Variants in KICS2 observed in about 807,000 individuals in gnomAD.
The protein encoded by KICS2 is KICSTOR complex protein C12orf66.
KICS2 carries 13 observed loss-of-function variants against 31.4 expected under a neutral mutation model. That is an observed-to-expected ratio of 0.41 (90% CI 0.27 to 0.66). KICS2 has a LOEUF of 0.66. Among genes scored for constraint, KICS2 ranks in the 30% least tolerant of loss-of-function variants. The pLI, the probability that KICS2 is intolerant of heterozygous loss-of-function variation, is 0.28. For synonymous variants in KICS2, 209 were observed against 214.8 expected (o/e 0.97, Z 0.24); for missense variants, 455 against 545.4 (o/e 0.83, Z 1.65).
chr12:64,216,000 A>G (rs200741100), intron 1 of KICS2, 37 bp from the exon 2 acceptor site: 6 of 1,567,118 alleles, frequency 3.8e-6, no homozygotes, highest in Non-Finnish European at 5.2e-6. Flanking sequence ...GACAAGTAAG[A>G]AGGAGAAACC....
rs1238415903 is a variant in KICS2 at position 64,191,789 on chromosome 12, A to G, written c.*2053T>C. The G allele has an allele frequency of 6.6e-6, 1 of 152,190 alleles. No homozygotes were observed. Among genetic ancestry groups the G allele is most frequent in the Non-Finnish European group, 1.5e-5 (1 of 68,034 alleles). The allele number at this position is 152,190 out of a possible 1,614,324, so 9.4% of individuals were successfully genotyped here. ...TATGACCATTTTTAAAGAAAAAGAA[A>G]GGAGGCCAGGTGCAGTGGCACATGC... On this transcript the variant is annotated 3_prime_UTR_variant, in exon 3 of 3. Coordinates refer to ENST00000398055, the MANE Select transcript of KICS2 (RefSeq NM_152440.5).
At chr12:64,210,468 AG>A (rs1323496964) in intron 2 of KICS2, among the ~76,000 whole-genome samples, 2 of 152,146 alleles carry the variant, frequency 1.3e-5, no homozygotes, top group Non-Finnish European at 2.9e-5. Context: ...TAAAGATGAT[AG>A]GGCCTGGGTG....
Position 64,194,224 on chromosome 12 carries a change from T to C in KICS2, c.956A>G (p.Asn319Ser). The stretch of plus-strand genomic sequence containing the variant: ...ACCCTGAAAACTCTCAGAACCTCTG[T>C]TGTCAAAAATTAAGGACACATTGGC... ...DAANVSLIFD[N>S]RGSESFQGHG... Residue 319 changes from asparagine to serine, a missense_variant, in exon 3 of 3, where the codon AAC becomes AGC. Coordinates refer to ENST00000398055, the MANE Select transcript of KICS2 (RefSeq NM_152440.5). The C allele has an allele frequency of 6.2e-7, 1 of 1,614,160 alleles. No individual in the cohort carries two copies. Among genetic ancestry groups the C allele is most frequent in the Non-Finnish European group, 8.5e-7 (1 of 1,180,024 alleles).
At chr12:64,202,627 T>C (rs2037500525) in intron 2 of KICS2, among the ~76,000 whole-genome samples, 1 of 148,450 alleles carries the variant, frequency 6.7e-6, no homozygotes, top group Admixed American at 6.8e-5. Context: ...TATTTTCTAA[T>C]ATATATTAAA....
At chr12:64,205,388 C>T (rs2037526876) in intron 2 of KICS2, among the ~76,000 whole-genome samples, 1 of 152,174 alleles carries the variant, frequency 6.6e-6, no homozygotes, top group Admixed American at 6.6e-5. Flanking sequence ...TCTGCCAAGA[C>T]TTAGAGCTTA....
chr12:64,195,166 T>C lies in KICS2; in HGVS notation c.522-508A>G, dbSNP rs113342828. Among the ~76,000 whole-genome samples the C allele has an allele frequency of 1.7e-3, 257 of 152,316 alleles. 2 individuals carry two copies. The highest frequency in any genetic ancestry group is 6.8e-3 in the Middle Eastern group (2 of 294). ...CAAACTCTAAGTGATCTTCCCACCT[T>C]GGCCTTCCAAAGCGCTGGGATTACA... On this transcript the variant is annotated intron_variant, in intron 2 of 2. Coordinates refer to ENST00000398055, the MANE Select transcript of KICS2 (RefSeq NM_152440.5).
In KICS2 at chr12:64,194,341, T is replaced by G. The variant is rs1592378522; in HGVS notation, c.839A>C (p.Gln280Pro). Residue 280 changes from glutamine (Q) to proline (P), a missense_variant, in exon 3 of 3, where the codon CAA becomes CCA. Coordinates refer to ENST00000398055, the MANE Select transcript of KICS2 (RefSeq NM_152440.5). The part of the protein sequence containing the change: ...SFYFHEALSR[Q>P]TTASEMKTLT... The stretch of plus-strand genomic sequence containing the variant: ...CGTTTTCATTTCTGAAGCAGTCGTT[T>G]GTCGGCTCAGAGCCTCATGAAAGTA... The G allele has an allele frequency of 6.2e-7, 1 of 1,614,118 alleles. No homozygotes were observed. Among genetic ancestry groups the G allele is most frequent in the African/African-American group, 1.3e-5 (1 of 74,932 alleles).
chr12:64,187,476 GA>G (rs1000553218), downstream of KICS2: 10 of 683,184 alleles, frequency 1.5e-5, no homozygotes, highest in Non-Finnish European at 2.2e-5. Context: ...AAAGCAGATT[GA>G]AAAAATATGC....
chr12:64,198,741 T>G (rs2037462300), intron 2 of KICS2, among the ~76,000 whole-genome samples: 1 of 105,034 alleles, frequency 9.5e-6, no homozygotes. Context: ...AAGAATCAAA[T>G]AGACACAATA....
At chr12:64,187,242 G>A (rs768459328), downstream of KICS2, 36 of 193,546 alleles carry the variant, frequency 1.9e-4, no homozygotes, top group Admixed American at 1.7e-3. Flanking sequence ...CATTCTCGCC[G>A]CACGTCTAAG....
At chr12:64,215,523 C>A (rs1158256625) in intron 2 of KICS2, among the ~76,000 whole-genome samples, 155 bp downstream of exon 2, 1 of 152,040 alleles carries the variant, frequency 6.6e-6, no homozygotes, top group Admixed American at 6.6e-5. Flanking sequence ...CTAATGTATA[C>A]CTGTTGATTA....
intron 1 of KICS2, among the ~76,000 whole-genome samples, chr12:64,220,198 G>C (rs1227537922): frequency 1.3e-5 from 2 of 152,168 alleles, no homozygotes; most frequent in Admixed American, 1.3e-4. Flanking sequence ...ATGTTGTATA[G>C]GTCAGTTTCA....
At chr12:64,211,154 T>A (rs1420546351) in intron 2 of KICS2, among the ~76,000 whole-genome samples, 1 of 152,216 alleles carries the variant, frequency 6.6e-6, no homozygotes, top group East Asian at 1.9e-4. Context: ...TATCCTTAAC[T>A]GTACTTCAGT....
Position 64,203,699 on chromosome 12 carries a change from A to T in KICS2, c.522-9041T>A, listed in dbSNP as rs575839042. Among the ~76,000 whole-genome samples the T allele has an allele frequency of 6.7e-4, 101 of 149,884 alleles. 1 individual carries two copies. Among genetic ancestry groups the T allele is most frequent in the Middle Eastern group, 3.4e-3 (1 of 292 alleles). ...AATCACAAGTGTATCTAGAATTTTT[A>T]AAAAAAATCTATTTAAGTACTAATT... is the stretch of plus-strand genomic sequence containing the variant. On this transcript the variant is annotated intron_variant, in intron 2 of 2. Coordinates refer to ENST00000398055, the MANE Select transcript of KICS2 (RefSeq NM_152440.5).
At chr12:64,203,983 T>C (rs1286790847) in intron 2 of KICS2, among the ~76,000 whole-genome samples, 3 of 152,220 alleles carry the variant, frequency 2.0e-5, no homozygotes, top group Admixed American at 2.0e-4. Context: ...CGGATGAAGC[T>C]GTAAGCCATT....
At chr12:64,219,727 A>C (rs1193359227) in intron 1 of KICS2, among the ~76,000 whole-genome samples, 3 of 152,264 alleles carry the variant, frequency 2.0e-5, no homozygotes, top group Non-Finnish European at 4.4e-5. Flanking sequence ...TTACATATAC[A>C]TCAAAACATC....
intron 2 of KICS2, among the ~76,000 whole-genome samples, chr12:64,209,504 G>A (rs1253969757): frequency 6.6e-6 from 1 of 152,118 alleles, no homozygotes; most frequent in African/African-American, 2.4e-5. Flanking sequence ...AGAATCGCTT[G>A]AACCCAGGAG....
At position 64,192,692 on chromosome 12, in the gene KICS2, T is replaced by C. The variant is rs1302096801; in HGVS notation, c.*1150A>G. ...AATCAATAATCTAGAAGTGAAGGTC[T>C]CCACAGCCCATTATGCCTTCACTGA... is the stretch of plus-strand genomic sequence containing the variant. On this transcript the variant is annotated 3_prime_UTR_variant, in exon 3 of 3. Coordinates refer to ENST00000398055, the MANE Select transcript of KICS2 (RefSeq NM_152440.5). 1.0e-6 allele frequency: 1 copy of C among 985,446 alleles called. No individual in the cohort carries two copies. Among genetic ancestry groups the C allele is most frequent in the South Asian group, 4.7e-5 (1 of 21,288 alleles). 61.0% of individuals were successfully genotyped at this position (985,446 alleles called of 1,614,324 possible).
chr12:64,193,282 T>C lies in KICS2; in HGVS notation c.*560A>G. ...GCTACCAATCTGACTCACTTTCAGT[T>C]TCAATAACTGATAGAAATTTCTTAC... On this transcript the variant is annotated 3_prime_UTR_variant, in exon 3 of 3. Coordinates refer to ENST00000398055, the MANE Select transcript of KICS2 (RefSeq NM_152440.5). The C allele has an allele frequency of 1.0e-6, 1 of 986,006 alleles. No individual in the cohort carries two copies. The highest frequency in any genetic ancestry group is 1.2e-6 in the Non-Finnish European group (1 of 830,420). 61.1% of individuals were successfully genotyped at this position (986,006 alleles called of 1,614,324 possible).
Sources: gnomAD v4.1 joint callset for allele counts (sites outside exome capture counted in the v4.1 genomes callset) on GRCh38, gnomAD v4.1.1 for gene constraint, MANE v1.5 for transcripts, NCBI Gene and HGNC (gene_info 2026-07-23, HGNC 2026-07-21) for gene names.